Variants in ZNF350 observed in about 807,000 individuals in gnomAD.
ZNF350 encodes the protein KRAB zinc finger protein ZFQR.
ZNF350 carries 5 observed loss-of-function variants against 13.1 expected under a neutral mutation model. That is an observed-to-expected ratio of 0.38 (90% CI 0.20 to 0.80). ZNF350 has a LOEUF of 0.80. Ranked by LOEUF, ZNF350 falls within the 30% of genes least tolerant of loss-of-function variation. The pLI, the probability that ZNF350 is intolerant of heterozygous loss-of-function variation, is 0.43. For synonymous variants in ZNF350, 199 were observed against 224.2 expected, an observed-to-expected ratio of 0.89 and a Z score of 1.00; for missense variants, 534 against 644.2, an observed-to-expected ratio of 0.83 and a Z score of 1.85.
chr19:51,985,044 A>G (rs985656734), intron 1 of ZNF350, among the ~76,000 whole-genome samples: 5 of 152,276 alleles, frequency 3.3e-5, no homozygotes, highest in African/African-American at 9.6e-5. Flanking sequence ...TGAGAATGGA[A>G]AAAGACTCAC....
At chr19:51,982,680 CT>C (rs1304643057) in intron 1 of ZNF350, among the ~76,000 whole-genome samples, 1 of 151,762 alleles carries the variant, frequency 6.6e-6, no homozygotes, top group African/African-American at 2.4e-5. Context: ...TAGCTATAAA[CT>C]TTTTTTTAAA....
chr19:51,966,117 A>G lies in ZNF350; in HGVS notation c.336T>C (p.Ile112=), dbSNP rs1453576391. 1 of 1,613,904 alleles carries G rather than the reference A, an allele frequency of 6.2e-7. No individual in the cohort carries two copies. The highest frequency in any genetic ancestry group is 2.2e-5 in the East Asian group (1 of 44,884). Residue 112 remains isoleucine, a synonymous_variant, in exon 5 of 5, where the codon ATT becomes ATC. Transcript: ENST00000243644. ...GAAACTGACTTTTGCTGCAATGAAC[A>G]ATATTTTCAAATGCATCATGTTCAT... ...PCHEHDAFEN[I]VHCSKSQFLL...
rs2085548024 is a variant in ZNF350, at chr19:51,965,703, A to G, written c.750T>C (p.Thr250=). Residue 250 remains threonine (T), a synonymous_variant, in exon 5 of 5, where the codon ACT becomes ACC. Transcript: ENST00000243644. ...CTCCTGTATGAGTTCGCTGATGTTC[A>G]GTAAGCATGAACTTTCTGGAGAAGG... The part of the protein sequence containing the change: ...EKAFSRKFML[T]EHQRTHTGEK... 1.2e-6 allele frequency: 2 copies of G among 1,614,232 alleles called. No homozygotes were observed.
Position 51,964,507 on chromosome 19 carries a change from C to T in ZNF350, c.*347G>A. The T allele has an allele frequency of 3.7e-6, 1 of 271,266 alleles. No individual in the cohort carries two copies. Among genetic ancestry groups the T allele is most frequent in the South Asian group, 7.6e-5 (1 of 13,204 alleles). 16.8% of individuals were successfully genotyped at this position (271,266 alleles called of 1,614,324 possible). ...ATATGTGTCCCACATTCCACCATTACAGTATTAGCCCTTTCCCACCAACTG... is the reference window on the plus strand; with the variant it reads ...ATATGTGTCCCACATTCCACCATTATAGTATTAGCCCTTTCCCACCAACTG... On this transcript the variant is annotated 3_prime_UTR_variant, in exon 5 of 5. Coordinates refer to ENST00000243644, the MANE Select transcript of ZNF350 (RefSeq NM_021632.4).
At chr19:51,979,545 T>C (rs763835011) in intron 1 of ZNF350, among the ~76,000 whole-genome samples, 8 of 152,132 alleles carry the variant, frequency 5.3e-5, no homozygotes, top group Non-Finnish European at 8.8e-5. Flanking sequence ...CATGGTTGAG[T>C]CACTATGGAA....
At chr19:51,966,757 C>G (rs1201102158) in intron 4 of ZNF350, among the ~76,000 whole-genome samples, 1 of 151,948 alleles carries the variant, frequency 6.6e-6, no homozygotes, top group Non-Finnish European at 1.5e-5. Flanking sequence ...AAGCGATTCT[C>G]CTGCCTCAGC....
chr19:51,969,643 G>A (rs1470139830), intron 2 of ZNF350, among the ~76,000 whole-genome samples: 1 of 151,956 alleles, frequency 6.6e-6, no homozygotes, highest in Non-Finnish European at 1.5e-5. Context: ...ACCAGCCTGG[G>A]CAACATGAGA....
intron 4 of ZNF350, chr19:51,968,342 G>A: frequency 1.9e-6 from 1 of 524,148 alleles, no homozygotes; most frequent in Non-Finnish European, 3.4e-6. Context: ...AAATTATGCA[G>A]GCAAACAAAC....
intron 1 of ZNF350, among the ~76,000 whole-genome samples, chr19:51,979,407 C>A (rs1233860983): frequency 6.6e-6 from 1 of 152,138 alleles, no homozygotes; most frequent in Non-Finnish European, 1.5e-5. Flanking sequence ...CCCTAACTCC[C>A]CGTGACATAG....
chr19:51,966,654 T>TTG (rs200852854), intron 4 of ZNF350, among the ~76,000 whole-genome samples: 2,166 of 150,928 alleles, frequency 0.014, 59 homozygotes, highest in African/African-American at 0.05. Flanking sequence ...GTTGTTTTTT[T>TTG]TTTGTTTTTT....
chr19:51,966,214 TC>T lies in ZNF350; in HGVS notation c.239-1del. The T allele has an allele frequency of 6.4e-7, 1 of 1,550,922 alleles. No individual in the cohort carries two copies. Among genetic ancestry groups the T allele is most frequent in the Non-Finnish European group, 8.7e-7 (1 of 1,153,452 alleles). On this transcript the variant is annotated splice_acceptor_variant, in intron 4 of 4. Coordinates refer to ENST00000243644, the MANE Select transcript of ZNF350 (RefSeq NM_021632.4). LOFTEE classifies it high-confidence loss of function. ...CAGCACATGATCAACTTTCCATATG[TC>T]TAGAAAGAAAAGAACAAAGATTTCT... is the stretch of plus-strand genomic sequence containing the variant.
intron 4 of ZNF350, among the ~76,000 whole-genome samples, chr19:51,966,472 C>T (rs959584707): frequency 2.0e-5 from 3 of 151,482 alleles, no homozygotes; most frequent in Non-Finnish European, 4.4e-5. Flanking sequence ...TTACTACAGA[C>T]GGGGTCTCAC....
intron 1 of ZNF350, among the ~76,000 whole-genome samples, chr19:51,986,187 C>G (rs2086154713): frequency 6.6e-6 from 1 of 152,028 alleles, no homozygotes; most frequent in Non-Finnish European, 1.5e-5. Flanking sequence ...AATAGCCACC[C>G]CAAGGATCAG....
In ZNF350 at chr19:51,965,064, T is replaced by C; in HGVS notation, c.1389A>G (p.Gln463=). 2.5e-6 allele frequency: 4 copies of C among 1,614,200 alleles called. No individual in the cohort carries two copies. The highest frequency in any genetic ancestry group is 1.3e-5 in the African/African-American group (1 of 75,042). Residue 463 remains glutamine, a synonymous_variant, in exon 5 of 5, where the codon CAA becomes CAG. Transcript: ENST00000243644. ...ATGTCTGAGGGGCCACAGAAGGCAC[T>C]TGTGTAGTCGCCCCGTTAGCAGAGT... ...EKNSANGATT[Q]VPSVAPQTSL... is the part of the protein sequence containing the mutation.
chr19:51,975,429 TAAAAAAA>T (rs202054246), intron 1 of ZNF350, among the ~76,000 whole-genome samples: 2 of 88,994 alleles, frequency 2.2e-5, no homozygotes, highest in African/African-American at 4.9e-5. Flanking sequence ...AACCTCGTCT[TAAAAAAA>T]AAAAAAAAAA....
At chr19:51,982,936 C>A (rs895187531) in intron 1 of ZNF350, among the ~76,000 whole-genome samples, 4 of 152,186 alleles carry the variant, frequency 2.6e-5, no homozygotes. Context: ...GCCTGTAATC[C>A]TAGCACTTTG....
chr19:51,965,571 T>C lies in ZNF350; in HGVS notation c.882A>G (p.Glu294=). The change falls in exon 5 of 5, where the codon GAA becomes GAG. Residue 294 remains glutamate, a synonymous_variant. Transcript: ENST00000243644. Reference sequence around the variant, plus strand: ...CTTTCTGGATGAAGCCTTTTCCACATTCACTGCATATATAGGGTTTCTCTC... The same window carrying C: ...CTTTCTGGATGAAGCCTTTTCCACACTCACTGCATATATAGGGTTTCTCTC... ...HTGEKPYICS[E]CGKGFIQKGN... The C allele has an allele frequency of 8.1e-6, 13 of 1,614,228 alleles. No homozygotes were observed. The highest frequency in any genetic ancestry group is 1.1e-5 in the Non-Finnish European group (13 of 1,180,028).
chr19:51,975,386 G>A (rs897530930), intron 1 of ZNF350, among the ~76,000 whole-genome samples: 1 of 137,700 alleles, frequency 7.3e-6, no homozygotes, highest in African/African-American at 2.8e-5. Flanking sequence ...ACAAGCCTGT[G>A]CCATTGTACT....
intron 2 of ZNF350, among the ~76,000 whole-genome samples, chr19:51,971,247 A>G (rs2085728424): frequency 6.6e-6 from 1 of 152,222 alleles, no homozygotes; most frequent in African/African-American, 2.4e-5. Context: ...TGGTTGGTTT[A>G]CCCATTCTAA....
Sources: allele counts gnomAD v4.1 joint callset (sites outside exome capture counted in the v4.1 genomes callset), GRCh38; gene constraint gnomAD v4.1.1; transcripts MANE v1.5; gene names NCBI Gene and HGNC (gene_info 2026-07-23, HGNC 2026-07-21).